The following ZNF682 variants were observed in gnomAD, a reference collection of about 807,000 sequenced individuals.
ZNF682 encodes the protein zinc finger protein 682.
In ZNF682, 29 loss-of-function variants were observed where a neutral mutation model predicts 36.5. That is an observed-to-expected ratio of 0.80 (90% CI 0.59 to 1.08). ZNF682 has a LOEUF of 1.08. Among genes scored for constraint, ZNF682 ranks in the 50% least tolerant of loss-of-function variants. The probability of loss-of-function intolerance (pLI) is 0.00; values close to 1 mark genes in which losing one functional copy is unlikely to be tolerated. For missense variants in ZNF682, 561 were observed against 579.7 expected, an observed-to-expected ratio of 0.97 and a Z score of 0.33; for synonymous variants, 180 against 197.0, an observed-to-expected ratio of 0.91 and a Z score of 0.72.
At chr19:20,029,493 T>G (rs1314015106) in intron 1 of ZNF682, among the ~76,000 whole-genome samples, 1 of 150,902 alleles carries the variant, frequency 6.6e-6, no homozygotes, top group African/African-American at 2.4e-5. Context: ...CCCAGCTACT[T>G]GGGAGGCTGA....
At chr19:20,024,968 A>T (rs957440896) in intron 1 of ZNF682, among the ~76,000 whole-genome samples, 3 of 152,240 alleles carry the variant, frequency 2.0e-5, no homozygotes, top group Admixed American at 1.3e-4. Flanking sequence ...ATTCATACAG[A>T]GAAGTCATGA....
chr19:20,006,699 C>A lies in ZNF682; in HGVS notation c.803G>T (p.Trp268Leu), dbSNP rs368414970. The A allele has an allele frequency of 6.2e-7, 1 of 1,613,798 alleles. No individual in the cohort carries two copies. Among genetic ancestry groups the A allele is most frequent in the Non-Finnish European group, 8.5e-7 (1 of 1,179,920 alleles). Residue 268 changes from tryptophan to leucine, a missense_variant, in exon 4 of 4, where the codon TGG becomes TTG. Coordinates refer to ENST00000397165, the MANE Select transcript of ZNF682 (RefSeq NM_033196.3). Reference protein sequence around the residue: ...KCEECGKAFHWCSPFVRHKKI... With the variant: ...KCEECGKAFHLCSPFVRHKKI... Reference sequence around the variant, plus strand: ...CTTATGTCTAACAAAGGGTGAACACCAGTGAAAGGCTTTTCCACATTCTTC... The same window carrying A: ...CTTATGTCTAACAAAGGGTGAACACAAGTGAAAGGCTTTTCCACATTCTTC...
At chr19:20,022,527 C>T (rs966052559) in intron 3 of ZNF682, among the ~76,000 whole-genome samples, 2 of 151,624 alleles carry the variant, frequency 1.3e-5, no homozygotes, top group Non-Finnish European at 1.5e-5. Flanking sequence ...ATTAGCTGGG[C>T]GTGGTGGCAT....
chr19:20,016,165 G>A (rs1293142950), intron 3 of ZNF682, among the ~76,000 whole-genome samples: 1 of 152,150 alleles, frequency 6.6e-6, no homozygotes, highest in East Asian at 1.9e-4. Context: ...ACAAAAATTA[G>A]CCAGGCGTGG....
intron 3 of ZNF682, among the ~76,000 whole-genome samples, chr19:20,014,814 G>A (rs576456736): frequency 6.6e-6 from 1 of 150,466 alleles, no homozygotes; most frequent in Non-Finnish European, 1.5e-5. Flanking sequence ...CTTCTAACAT[G>A]TACGATAAAG....
At chr19:20,039,120 G>A in intron 1 of ZNF682, 1 of 1,390,572 alleles carries the variant, frequency 7.2e-7, no homozygotes, top group Non-Finnish European at 9.3e-7. Flanking sequence ...CTCCGGGCGG[G>A]AAGCGGGAGA....
At chr19:20,002,038 G>A (rs1433496095), downstream of ZNF682, among the ~76,000 whole-genome samples, 2 of 152,140 alleles carry the variant, frequency 1.3e-5, no homozygotes, top group Non-Finnish European at 2.9e-5. Context: ...GAACTCTAAT[G>A]TCACCATCTG....
intron 3 of ZNF682, among the ~76,000 whole-genome samples, chr19:20,021,136 G>C (rs536060566): frequency 2.6e-5 from 4 of 152,298 alleles, no homozygotes; most frequent in East Asian, 3.9e-4. Context: ...AAAATCTCAT[G>C]TTTAAAGAAA....
rs573523809 is a variant in ZNF682 at position 20,011,126 on chromosome 19, A to C, written c.227-3851T>G. On this transcript the variant is annotated intron_variant, in intron 3 of 3. Coordinates refer to ENST00000397165, the MANE Select transcript of ZNF682 (RefSeq NM_033196.3). Reference sequence around the variant, plus strand: ...AGGGAAAAAGTAACATCTATCACACAAATGGGAAAAAAACAAACAAAAAAA... The same window carrying C: ...AGGGAAAAAGTAACATCTATCACACCAATGGGAAAAAAACAAACAAAAAAA... Among the ~76,000 whole-genome samples the C allele has an allele frequency of 5.3e-5, 8 of 152,274 alleles. No homozygotes were observed. In the South Asian group the frequency reaches 1.7e-3, roughly 32 times the overall value.
chr19:20,023,803 G>C (rs1162328344), intron 2 of ZNF682, among the ~76,000 whole-genome samples: 1 of 151,926 alleles, frequency 6.6e-6, no homozygotes, highest in Non-Finnish European at 1.5e-5. Context: ...CCAACATAGT[G>C]AAACCTCCTC....
chr19:20,024,210 T>C, intron 2 of ZNF682, 40 bp downstream of exon 2: 1 of 1,610,490 alleles, frequency 6.2e-7, no homozygotes, highest in African/African-American at 1.3e-5. Flanking sequence ...AATAAAATCT[T>C]TTGTGTGAAA....
At chr19:20,022,487 G>T (rs761453909) in intron 3 of ZNF682, among the ~76,000 whole-genome samples, 4 of 151,866 alleles carry the variant, frequency 2.6e-5, no homozygotes, top group Non-Finnish European at 5.9e-5. Context: ...CAACAACTTG[G>T]AGAAACCCCA....
chr19:20,024,494 T>G, intron 1 of ZNF682, 118 bp from the exon 2 acceptor site: 8 of 1,191,820 alleles, frequency 6.7e-6, no homozygotes, highest in Non-Finnish European at 5.8e-6. Context: ...AATCTGCTAT[T>G]TTTAACAAAT....
At position 20,009,163 on chromosome 19, in the gene ZNF682, G is replaced by C. The variant is rs111860837; in HGVS notation, c.227-1888C>G. Among the ~76,000 whole-genome samples the C allele has an allele frequency of 6.6e-5, 10 of 152,320 alleles. 1 individual carries two copies. Among genetic ancestry groups the C allele is most frequent in the African/African-American group, 2.2e-4 (9 of 41,576 alleles). On this transcript the variant is annotated intron_variant, in intron 3 of 3. Transcript: ENST00000397165. ...TCGTTACCTCAAAAGGATCTCACTAGTTCCTTTGAAAGAACCAAACACAAC... is the reference window on the plus strand; with the variant it reads ...TCGTTACCTCAAAAGGATCTCACTACTTCCTTTGAAAGAACCAAACACAAC...
chr19:20,024,425 C>A, intron 1 of ZNF682, 49 bp from the exon 2 acceptor site: 1 of 1,560,680 alleles, frequency 6.4e-7, no homozygotes, highest in Non-Finnish European at 8.6e-7. Flanking sequence ...GGGCAGAGTT[C>A]TTGACTCCAT....
chr19:20,023,231 G>C, intron 2 of ZNF682, 132 bp from the exon 3 acceptor site: 3 of 741,174 alleles, frequency 4.0e-6, no homozygotes, highest in Non-Finnish European at 6.2e-6. Flanking sequence ...AGGCGCGTTG[G>C]CTCATACCTG....
At chr19:20,031,043 G>A (rs1213434665) in intron 1 of ZNF682, 1 of 152,246 alleles carries the variant, frequency 6.6e-6, no homozygotes, top group Non-Finnish European at 1.5e-5. Flanking sequence ...TCAGGTGCTG[G>A]GAAGAGGGTC....
chr19:20,035,311 T>A (rs982880732), intron 1 of ZNF682, among the ~76,000 whole-genome samples: 3 of 152,088 alleles, frequency 2.0e-5, no homozygotes, highest in African/African-American at 4.8e-5. Context: ...CTGCAACCTC[T>A]GTCTTCCTGT....
chr19:20,019,795 A>C (rs1467907712), intron 3 of ZNF682, among the ~76,000 whole-genome samples: 1 of 152,156 alleles, frequency 6.6e-6, no homozygotes, highest in African/African-American at 2.4e-5. Context: ...ATTTGTTAGG[A>C]TGTCTATTAT....
Sources: allele counts gnomAD v4.1 joint callset (sites outside exome capture counted in the v4.1 genomes callset), GRCh38; gene constraint gnomAD v4.1.1; transcripts MANE v1.5; gene names NCBI Gene and HGNC (gene_info 2026-07-23, HGNC 2026-07-21).